TAFA4: variants seen among roughly 807,000 people sequenced by gnomAD.
TAFA4 encodes the protein chemokine-like protein TAFA-4.
A neutral mutation model predicts 21.1 loss-of-function variants in TAFA4; 20 were observed. The observed-to-expected ratio is 0.95, with a 90% CI of 0.67 to 1.38. The LOEUF is 1.38. Among genes scored for constraint, TAFA4 ranks in the 40% most tolerant of loss-of-function variants. The pLI, the probability that TAFA4 is intolerant of heterozygous loss-of-function variation, is 0.00. For synonymous variants in TAFA4, 71 were observed against 67.4 expected (o/e 1.05, Z -0.26); for missense variants, 211 against 180.9 (o/e 1.17, Z -0.95).
At chr3:68,877,582 CTCT>C (rs1165155547) in intron 3 of TAFA4, among the ~76,000 whole-genome samples, 1 of 152,156 alleles carries the variant, frequency 6.6e-6, no homozygotes, top group African/African-American at 2.4e-5. Context: ...AATAAAAGGG[CTCT>C]CAACACCCTT....
intron 1 of TAFA4, among the ~76,000 whole-genome samples, chr3:68,926,174 A>C (rs2090106543): frequency 6.6e-6 from 1 of 151,456 alleles, no homozygotes; most frequent in South Asian, 2.1e-4. Flanking sequence ...GGTTGCAGTG[A>C]GCTGAGATCA....
chr3:68,741,621 C>T (rs1160364094), intron 4 of TAFA4, among the ~76,000 whole-genome samples: 2 of 151,766 alleles, frequency 1.3e-5, no homozygotes, highest in Non-Finnish European at 2.9e-5. Context: ...TGTGAAACCC[C>T]ATCTGTACTA....
At chr3:68,877,817 C>G (rs1172469635) in intron 3 of TAFA4, among the ~76,000 whole-genome samples, 1 of 152,190 alleles carries the variant, frequency 6.6e-6, no homozygotes, top group Admixed American at 6.5e-5. Flanking sequence ...GGAATGCGAA[C>G]CTTTCCACAC....
Position 68,788,042 on chromosome 3 carries a change from G to C in TAFA4, c.131-35024C>G, listed in dbSNP as rs115305634. Among the ~76,000 whole-genome samples the C allele has an allele frequency of 6.8e-3, 1,035 of 152,342 alleles. 9 individuals carry two copies. The highest frequency in any genetic ancestry group is 0.024 in the African/African-American group (990 of 41,568). ...CATATTTCTGTAAGAGGTAAGACTA[G>C]TTCCTTTAGGTATTTGAGGGTTTTG... On this transcript the variant is annotated intron_variant, in intron 3 of 5. Transcript: ENST00000295569.
chr3:68,784,123 C>A (rs144265242), intron 3 of TAFA4, among the ~76,000 whole-genome samples: 1 of 152,312 alleles, frequency 6.6e-6, no homozygotes, highest in East Asian at 1.9e-4. Context: ...GATGCTCAAC[C>A]TCACTAATAA....
At chr3:68,820,512 C>CA (rs567643485) in intron 3 of TAFA4, among the ~76,000 whole-genome samples, 86 of 146,322 alleles carry the variant, frequency 5.9e-4, no homozygotes, top group Middle Eastern at 3.5e-3. Context: ...CTCATCCTAC[C>CA]AAAAAAAAAA....
intron 3 of TAFA4, among the ~76,000 whole-genome samples, chr3:68,862,869 A>G (rs1163803315): frequency 1.3e-5 from 2 of 151,794 alleles, no homozygotes; most frequent in African/African-American, 2.4e-5. Context: ...ACACACACAC[A>G]CACACACACA....
chr3:68,799,684 G>T (rs1284461255), intron 3 of TAFA4, among the ~76,000 whole-genome samples: 2 of 152,102 alleles, frequency 1.3e-5, no homozygotes, highest in Non-Finnish European at 2.9e-5. Flanking sequence ...AGGAGAAAAG[G>T]CAAAGTGATG....
chr3:68,736,272 A>G (rs1702239482), intron 5 of TAFA4, among the ~76,000 whole-genome samples: 1 of 152,058 alleles, frequency 6.6e-6, no homozygotes, highest in East Asian at 1.9e-4. Context: ...GAAAAAAAAA[A>G]ATTAAGGCAG....
intron 1 of TAFA4, among the ~76,000 whole-genome samples, chr3:68,907,658 T>C (rs2089917625): frequency 6.6e-6 from 1 of 152,016 alleles, no homozygotes; most frequent in Non-Finnish European, 1.5e-5. Flanking sequence ...AGATCCAAAA[T>C]AAGGTACCAC....
At chr3:68,746,468 A>G (rs929838109) in intron 4 of TAFA4, among the ~76,000 whole-genome samples, 1 of 152,192 alleles carries the variant, frequency 6.6e-6, no homozygotes, top group Non-Finnish European at 1.5e-5. Context: ...TCTTCCTAGA[A>G]TATATGCTTT....
chr3:68,851,876 A>G (rs1180252644), intron 3 of TAFA4, among the ~76,000 whole-genome samples: 2 of 152,128 alleles, frequency 1.3e-5, no homozygotes, highest in Non-Finnish European at 2.9e-5. Context: ...GACAATATTG[A>G]GATCAGATCT....
chr3:68,795,303 C>T (rs1486021646), intron 3 of TAFA4, among the ~76,000 whole-genome samples: 1 of 151,204 alleles, frequency 6.6e-6, no homozygotes, highest in South Asian at 2.1e-4. Flanking sequence ...GTATCCATTA[C>T]CCTCAATGCT....
At chr3:68,763,046 T>G (rs1413785251) in intron 3 of TAFA4, among the ~76,000 whole-genome samples, 1 of 152,216 alleles carries the variant, frequency 6.6e-6, no homozygotes, top group Non-Finnish European at 1.5e-5. Context: ...TTTTCCTTTT[T>G]CTTTTTGAGA....
intron 3 of TAFA4, among the ~76,000 whole-genome samples, chr3:68,841,344 A>T (rs111620147): frequency 1.4e-5 from 1 of 73,598 alleles, no homozygotes; most frequent in Non-Finnish European, 3.4e-5. Flanking sequence ...AAATAAAAAA[A>T]AATAAAATCC....
At chr3:68,782,848 T>C (rs1051268462) in intron 3 of TAFA4, among the ~76,000 whole-genome samples, 2 of 152,232 alleles carry the variant, frequency 1.3e-5, no homozygotes, top group Non-Finnish European at 2.9e-5. Context: ...ACATTGTGAA[T>C]GTACTAAGTA....
intron 5 of TAFA4, among the ~76,000 whole-genome samples, chr3:68,735,958 C>T (rs1156335478): frequency 6.6e-6 from 1 of 151,936 alleles, no homozygotes; most frequent in East Asian, 1.9e-4. Context: ...TGTGTGATGA[C>T]CAGAAATATC....
intron 1 of TAFA4, among the ~76,000 whole-genome samples, chr3:68,900,594 T>G (rs1461385287): frequency 6.6e-6 from 1 of 152,116 alleles, no homozygotes; most frequent in Non-Finnish European, 1.5e-5. Flanking sequence ...CTTGGTACTC[T>G]CTAGAACTGC....
intron 3 of TAFA4, among the ~76,000 whole-genome samples, chr3:68,842,520 T>C (rs1704688598): frequency 6.6e-6 from 1 of 152,246 alleles, no homozygotes; most frequent in South Asian, 2.1e-4. Context: ...GATAGTTTCC[T>C]TTCCTGTGCA....
Sources: gnomAD v4.1 joint callset for allele counts (sites outside exome capture counted in the v4.1 genomes callset) on GRCh38, gnomAD v4.1.1 for gene constraint, MANE v1.5 for transcripts, NCBI Gene and HGNC (gene_info 2026-07-23, HGNC 2026-07-21) for gene names.